The following POTEF variants were observed in gnomAD, a reference collection of about 807,000 sequenced individuals.
POTEF encodes the protein POTE ankyrin domain family member F.
POTEF carries 20 observed loss-of-function variants against 83.2 expected under a neutral mutation model. The ratio of observed to expected loss-of-function variants is 0.24; its 90% CI spans 0.17 to 0.35. The LOEUF is 0.35. Among genes scored for constraint, POTEF ranks in the 10% least tolerant of loss-of-function variants. POTEF has a pLI of 1.00. For missense variants in POTEF, 550 were observed against 1,203.2 expected (o/e 0.46, Z 8.03); for synonymous variants, 196 against 446.4 (o/e 0.44, Z 7.07).
At chr2:130,107,613 T>G (rs1684577711) in intron 8 of POTEF, 1 of 261,086 alleles carries the variant, frequency 3.8e-6, no homozygotes, top group Non-Finnish European at 7.3e-6. Context: ...CTGCCTCCAG[T>G]CAGATCAGTG....
chr2:130,113,715 T>C (rs1404463868), intron 5 of POTEF, among the ~76,000 whole-genome samples: 1 of 150,282 alleles, frequency 6.7e-6, no homozygotes, highest in Non-Finnish European at 1.5e-5. Context: ...AGACTTACTG[T>C]ATCAAAATAT....
intron 5 of POTEF, among the ~76,000 whole-genome samples, chr2:130,113,157 G>T (rs939970206): frequency 8.1e-6 from 1 of 124,174 alleles, no homozygotes; most frequent in African/African-American, 3.4e-5. Flanking sequence ...TGAGGTGGGT[G>T]AATCGCTTGA....
chr2:130,115,684 T>C (rs568636591), intron 3 of POTEF, among the ~76,000 whole-genome samples: 1 of 152,304 alleles, frequency 6.6e-6, no homozygotes, highest in African/African-American at 2.4e-5. Context: ...ACCACTCTAA[T>C]GCTTAAATGA....
At chr2:130,108,218 G>A (rs1684599618) in intron 7 of POTEF, 139 bp from the exon 8 acceptor site, 3 of 1,377,816 alleles carry the variant, frequency 2.2e-6, no homozygotes, top group Non-Finnish European at 2.9e-6. Flanking sequence ...CCACTTGTGA[G>A]TACATTCTAC....
At position 130,123,611 on chromosome 2, in the gene POTEF, TAATTA is replaced by T. The variant is rs540038013; in HGVS notation, c.-93-3008_-93-3004del. Among the ~76,000 whole-genome samples the T allele has an allele frequency of 6.6e-5, 10 of 152,014 alleles. No homozygotes were observed. In the South Asian group the frequency reaches 2.1e-3, roughly 31 times the overall value. ...TTGATACTATTTACTAAATATCTCA[TAATTA>T]TATTTATTTACATAGAAAAAAGGAA... is the stretch of plus-strand genomic sequence containing the variant. On this transcript the variant is annotated intron_variant, in intron 2 of 16. Transcript: ENST00000409914.
rs541433364 is a variant in POTEF at position 130,104,932 on chromosome 2, T to C, written c.1127-2752A>G. On this transcript the variant is annotated intron_variant, in intron 8 of 16. Coordinates refer to ENST00000409914, the MANE Select transcript of POTEF (RefSeq NM_001099771.2). ...ATCCAATTACCTATTCAAAATATCC[T>C]ACATGAATTTTCCATTAAACGTGCA... Among the ~76,000 whole-genome samples, 88 of 151,340 alleles carry C rather than the reference T, an allele frequency of 5.8e-4. 3 individuals are homozygous for C. Among genetic ancestry groups the C allele is most frequent in the African/African-American group, 2.2e-3 (88 of 40,820 alleles).
chr2:130,113,111 G>C (rs1381197757), intron 5 of POTEF, among the ~76,000 whole-genome samples: 1 of 141,176 alleles, frequency 7.1e-6, no homozygotes, highest in East Asian at 2.0e-4. Context: ...GTCAGGAATG[G>C]TGGCTCACAC....
At chr2:130,098,534 T>G (rs1684310299) in intron 11 of POTEF, among the ~76,000 whole-genome samples, 1 of 150,946 alleles carries the variant, frequency 6.6e-6, no homozygotes, top group Non-Finnish European at 1.5e-5. Flanking sequence ...TAACAAGAAC[T>G]CTTAAGATGT....
rs376983173 is a variant in POTEF at position 130,075,239 on chromosome 2, C to G, written c.2233G>C (p.Gly745Arg). The change falls in exon 17 of 17, where the codon GGG becomes CGG. Residue 745 changes from glycine to arginine, a missense_variant. Physicochemically the swap from Gly to Arg is moderately radical, Grantham distance 125. Transcript: ENST00000409914. ...TAGGACTCTTTCTGATGCATGCCCC[C>G]CATCATGCCCTGCTGCCTGGGGCGC... ...VGRPRQQGMM[G>R]GMHQKESYVG... 3.7e-5 allele frequency: 59 copies of G among 1,612,312 alleles called. No homozygotes were observed. Among genetic ancestry groups the G allele is most frequent in the Non-Finnish European group, 4.6e-5 (54 of 1,179,910 alleles).
chr2:130,076,006 G>A (rs1683793111), intron 16 of POTEF, among the ~76,000 whole-genome samples: 1 of 133,840 alleles, frequency 7.5e-6, no homozygotes, highest in African/African-American at 2.8e-5. Context: ...ACCATCCTAA[G>A]AGCCTTAGCT....
At chr2:130,103,098 CTTTCTTT>C (rs1371247545) in intron 8 of POTEF, among the ~76,000 whole-genome samples, 4 of 122,434 alleles carry the variant, frequency 3.3e-5, no homozygotes, top group Non-Finnish European at 6.8e-5. Flanking sequence ...ATTTTTCTTT[CTTTCTTT>C]TTTTTTTTTT....
At chr2:130,121,952 T>C (rs1417024471) in intron 2 of POTEF, among the ~76,000 whole-genome samples, 4 of 150,596 alleles carry the variant, frequency 2.7e-5, no homozygotes, top group African/African-American at 9.9e-5. Flanking sequence ...TCTTTCCCTA[T>C]TTTCCCCATT....
intron 7 of POTEF, chr2:130,109,474 C>A (rs1297888002): frequency 6.8e-6 from 1 of 146,644 alleles, no homozygotes. Flanking sequence ...GAAGTAGCTC[C>A]GATAATTTTC....
chr2:130,104,219 A>T (rs1684451261), intron 8 of POTEF, among the ~76,000 whole-genome samples: 1 of 147,754 alleles, frequency 6.8e-6, no homozygotes, highest in African/African-American at 2.6e-5. Context: ...ATCACTTAAT[A>T]CTTGGTTTGG....
At chr2:130,114,240 T>C (rs1235456679) in intron 5 of POTEF, among the ~76,000 whole-genome samples, 3 of 151,448 alleles carry the variant, frequency 2.0e-5, no homozygotes, top group Admixed American at 6.6e-5. Context: ...TTCTCTAAAA[T>C]TGAAGAGAAC....
At chr2:130,108,448 T>C (rs1253021209) in intron 7 of POTEF, among the ~76,000 whole-genome samples, 2 of 152,040 alleles carry the variant, frequency 1.3e-5, no homozygotes, top group Non-Finnish European at 2.9e-5. Context: ...GTGAGGACTT[T>C]GCTGCCTTAT....
chr2:130,121,141 G>A (rs1189707036), intron 2 of POTEF, among the ~76,000 whole-genome samples: 5 of 151,586 alleles, frequency 3.3e-5, no homozygotes, highest in South Asian at 2.1e-4. Context: ...GTGCGCGTGC[G>A]GCGTGCTTAT....
At chr2:130,104,505 T>G (rs1684460798) in intron 8 of POTEF, among the ~76,000 whole-genome samples, 1 of 150,818 alleles carries the variant, frequency 6.6e-6, no homozygotes, top group Non-Finnish European at 1.5e-5. Flanking sequence ...AAAAATGCCC[T>G]GCTAAAGGGA....
rs1553425822 is a variant in POTEF at position 130,129,178 on chromosome 2, C to CAGTGCT, written c.-357_-356insAGCACT. ...GCTCAGGCTCCAGCCTCCAGCATGC[C>CAGTGCT]GCTCCCTTCTACTCGTCTTCCTGCC... On this transcript the variant is annotated 5_prime_UTR_variant, in exon 1 of 17. Transcript: ENST00000409914. 5.1e-5 allele frequency: 3 copies of CAGTGCT among 58,466 alleles called. No homozygotes were observed. The East Asian group carries it at 1.6e-3, about 31-fold the overall frequency. The allele number at this position is 58,466 out of a possible 1,614,324, so 3.6% of individuals were successfully genotyped here. A position where few individuals can be genotyped will look rare whatever the true frequency, so the allele number is the denominator to read the frequency against.
Sources: gnomAD v4.1 joint callset for allele counts (sites outside exome capture counted in the v4.1 genomes callset) on GRCh38, gnomAD v4.1.1 for gene constraint, MANE v1.5 for transcripts, NCBI Gene and HGNC (gene_info 2026-07-23, HGNC 2026-07-21) for gene names.